COBLL1: variants seen among roughly 807,000 people sequenced by gnomAD.
COBLL1 encodes cordon-bleu protein-like 1.
In COBLL1, 50 loss-of-function variants were observed where a neutral mutation model predicts 94.8. That is an observed-to-expected ratio of 0.53 (90% confidence interval 0.42 to 0.67). The LOEUF is 0.67. COBLL1 is among the 30% of genes least tolerant of loss of function. COBLL1 has a pLI of 0.00. For synonymous variants in COBLL1, 448 were observed against 473.8 expected, an observed-to-expected ratio of 0.95 and a Z score of 0.71; for missense variants, 1,362 against 1,348.7, an observed-to-expected ratio of 1.01 and a Z score of -0.15.
intron 2 of COBLL1, among the ~76,000 whole-genome samples, chr2:164,765,565 CG>C (rs774340912): frequency 6.6e-6 from 1 of 151,616 alleles, no homozygotes; most frequent in Non-Finnish European, 1.5e-5. Flanking sequence ...TTTCTTGAGA[CG>C]AATAAAAGGG....
At chr2:164,832,060 T>C (rs1398246337) in intron 2 of COBLL1, among the ~76,000 whole-genome samples, 2 of 152,212 alleles carry the variant, frequency 1.3e-5, no homozygotes, top group Non-Finnish European at 2.9e-5. Flanking sequence ...GTAGTAGCTA[T>C]TAAAACTTTG....
chr2:164,771,228 T>C (rs563318653), intron 2 of COBLL1, among the ~76,000 whole-genome samples: 5 of 152,168 alleles, frequency 3.3e-5, no homozygotes, highest in Admixed American at 1.3e-4. Context: ...ACAGATGACG[T>C]TGACCAACAA....
At chr2:164,661,778 TATTAGG>T (rs1691073744) in intron 2 of COBLL1, among the ~76,000 whole-genome samples, 1 of 152,202 alleles carries the variant, frequency 6.6e-6, no homozygotes, top group South Asian at 2.1e-4. Context: ...AGTACTATAG[TATTAGG>T]ATTACTTCAA....
At chr2:164,739,699 C>T (rs1686495172) in intron 3 of COBLL1, among the ~76,000 whole-genome samples, 1 of 152,180 alleles carries the variant, frequency 6.6e-6, no homozygotes, top group Non-Finnish European at 1.5e-5. Context: ...ATTACCTCCA[C>T]CAAATTCTTG....
chr2:164,697,418 T>G (rs1231677281), intron 11 of COBLL1: 1 of 152,166 alleles, frequency 6.6e-6, no homozygotes, highest in Non-Finnish European at 1.5e-5. Flanking sequence ...TGCTCTCAAT[T>G]TACTTGGTTC....
chr2:164,812,884 T>C (rs959638372), intron 2 of COBLL1, among the ~76,000 whole-genome samples: 18 of 152,134 alleles, frequency 1.2e-4, no homozygotes, highest in Admixed American at 1.2e-3. Flanking sequence ...AACTTAGTTT[T>C]GTACTTTCCC....
chr2:164,700,828 G>T, intron 9 of COBLL1, 72 bp from the exon 10 acceptor site: 1 of 903,610 alleles, frequency 1.1e-6, no homozygotes, highest in Non-Finnish European at 1.7e-6. Flanking sequence ...TGGCAAGGAA[G>T]GAATTTTGAA....
chr2:164,779,205 C>T (rs1376302294), intron 2 of COBLL1, among the ~76,000 whole-genome samples: 1 of 151,928 alleles, frequency 6.6e-6, no homozygotes, highest in African/African-American at 2.4e-5. Flanking sequence ...TTGGTCTTTT[C>T]TTAGATTCTA....
At chr2:164,705,374 T>G in intron 7 of COBLL1, 1 of 282,888 alleles carries the variant, frequency 3.5e-6, no homozygotes, top group Non-Finnish European at 6.5e-6. Context: ...AGAGGACTCA[T>G]AAGTAACAGA....
intron 13 of COBLL1, chr2:164,687,236 A>G (rs1281153804): frequency 2.6e-6 from 1 of 379,022 alleles, no homozygotes; most frequent in Non-Finnish European, 4.7e-6. Flanking sequence ...TTGGAGAGGA[A>G]GTAGAATTTA....
chr2:164,836,148 A>T (rs1217728762), intron 2 of COBLL1, among the ~76,000 whole-genome samples: 2 of 152,122 alleles, frequency 1.3e-5, no homozygotes, highest in East Asian at 3.9e-4. Context: ...GTAATCAAAA[A>T]TCCTACTTTT....
intron 13 of COBLL1, chr2:164,687,862 G>T: frequency 3.8e-6 from 1 of 264,116 alleles, no homozygotes; most frequent in Non-Finnish European, 7.3e-6. Flanking sequence ...CAAAATTGCA[G>T]TTCTCATAAT....
At chr2:164,784,478 T>A (rs1290821974) in intron 2 of COBLL1, among the ~76,000 whole-genome samples, 3 of 152,168 alleles carry the variant, frequency 2.0e-5, no homozygotes, top group Non-Finnish European at 4.4e-5. Context: ...TGGATCCACA[T>A]ACGTAATTAT....
Position 164,841,567 on chromosome 2 carries a change from G to A in COBLL1, c.-51+143C>T. The A allele has an allele frequency of 5.0e-6, 3 of 600,662 alleles. No homozygotes were observed. The highest frequency in any genetic ancestry group is 6.7e-6 in the Non-Finnish European group (3 of 446,176). 37.2% of individuals were successfully genotyped at this position (600,662 alleles called of 1,614,324 possible). ...CTGGAAAAGGAGGAGGAGCGGGGCC[G>A]GGCGCACGGGCACCGCTGCCACGCC... On this transcript the variant is annotated intron_variant, in intron 1 of 13. Transcript: ENST00000652658. This position sits in a 1 kb window ranked among gnomAD's most constrained non-coding sequence, Gnocchi z 5.5.
At chr2:164,667,635 C>G (rs1394733455) in intron 1 of COBLL1, among the ~76,000 whole-genome samples, 1 of 152,212 alleles carries the variant, frequency 6.6e-6, no homozygotes, top group Non-Finnish European at 1.5e-5. Flanking sequence ...GAGACAGCTT[C>G]TTTTGTTAAA....
chr2:164,766,086 C>T, intron 2 of COBLL1, among the ~76,000 whole-genome samples: 1 of 152,138 alleles, frequency 6.6e-6, no homozygotes, highest in East Asian at 1.9e-4. Context: ...ACTGAAGCAG[C>T]TCTTGAGGTT....
At chr2:164,665,330 C>CAAAAAA (rs11441643) in intron 2 of COBLL1, among the ~76,000 whole-genome samples, 3 of 121,810 alleles carry the variant, frequency 2.5e-5, no homozygotes, top group Non-Finnish European at 1.7e-5. Context: ...GATTCTGTGT[C>CAAAAAA]AAAAAAAAAA....
intron 5 of COBLL1, among the ~76,000 whole-genome samples, chr2:164,726,540 ACCAC>A (rs1469686132): frequency 1.3e-5 from 2 of 152,146 alleles, no homozygotes; most frequent in Non-Finnish European, 2.9e-5. Context: ...CCATAACCCT[ACCAC>A]CCAAAGGTAA....
At chr2:164,672,728 A>AAAAAAAAAT (rs67260713) in intron 1 of COBLL1, among the ~76,000 whole-genome samples, 4 of 132,544 alleles carry the variant, frequency 3.0e-5, no homozygotes, top group African/African-American at 1.3e-4. Context: ...AAAAAAAAAA[A>AAAAAAAAAT]ATGACTTTGT....
Sources: allele counts gnomAD v4.1 joint callset (sites outside exome capture counted in the v4.1 genomes callset), GRCh38; gene constraint gnomAD v4.1.1; non-coding constraint Gnocchi (gnomAD v3.1); transcripts MANE v1.5; gene names NCBI Gene and HGNC (gene_info 2026-07-23, HGNC 2026-07-21).